MSRA: variants seen among roughly 807,000 people sequenced by gnomAD.
MSRA encodes the protein methionine sulfoxide reductase A.
MSRA carries 54 observed loss-of-function variants against 31.3 expected under a neutral mutation model. That is an observed-to-expected ratio of 1.73 (90% CI 1.39 to 2.17). The LOEUF (loss-of-function observed/expected upper bound fraction) is 2.17. MSRA is among the 30% of genes most tolerant of loss of function. The probability of loss-of-function intolerance (pLI) is 0.00; values close to 1 mark genes in which losing one functional copy is unlikely to be tolerated. For synonymous variants in MSRA, 169 were observed against 116.5 expected (o/e 1.45, Z -2.90); for missense variants, 507 against 300.9 (o/e 1.69, Z -5.07).
At chr8:10,057,019 C>G (rs768025994) in intron 1 of MSRA, among the ~76,000 whole-genome samples, 2 of 152,264 alleles carry the variant, frequency 1.3e-5, no homozygotes, top group African/African-American at 4.8e-5. Context: ...TTTTTATATT[C>G]TTAAGGACAA....
intron 3 of MSRA, among the ~76,000 whole-genome samples, chr8:10,245,466 A>C (rs1797574801): frequency 6.6e-6 from 1 of 152,260 alleles, no homozygotes; most frequent in African/African-American, 2.4e-5. Flanking sequence ...TGGTGGCTTA[A>C]AACAGTCATT....
chr8:10,415,481 C>A (rs935665627), intron 5 of MSRA, among the ~76,000 whole-genome samples: 1 of 152,080 alleles, frequency 6.6e-6, no homozygotes, highest in African/African-American at 2.4e-5. Flanking sequence ...CCCCTTGTAC[C>A]ACTGTGATTG....
chr8:10,056,208 A>AATC (rs544719959), intron 1 of MSRA, among the ~76,000 whole-genome samples: 2 of 130,508 alleles, frequency 1.5e-5, no homozygotes, highest in Non-Finnish European at 3.4e-5. Flanking sequence ...CAAAAAAAAA[A>AATC]AAAAAAAAAA....
At chr8:10,284,270 C>T (rs1010399297) in intron 3 of MSRA, among the ~76,000 whole-genome samples, 1 of 152,094 alleles carries the variant, frequency 6.6e-6, no homozygotes, top group African/African-American at 2.4e-5. Flanking sequence ...CTCACTGCAA[C>T]CTCCACCTCC....
chr8:10,404,059 A>G (rs1044769029), intron 5 of MSRA, among the ~76,000 whole-genome samples: 11 of 152,230 alleles, frequency 7.2e-5, no homozygotes, highest in African/African-American at 2.7e-4. Flanking sequence ...TCATATTAAC[A>G]TAAAAGGCTT....
At chr8:10,371,624 A>G (rs1805482118) in intron 5 of MSRA, among the ~76,000 whole-genome samples, 3 of 152,096 alleles carry the variant, frequency 2.0e-5, no homozygotes, top group African/African-American at 2.4e-5. Context: ...GCAAGGCTGT[A>G]CAGTTTTCCA....
intron 2 of MSRA, among the ~76,000 whole-genome samples, chr8:10,212,414 A>G (rs955909712): frequency 1.3e-5 from 2 of 152,212 alleles, no homozygotes; most frequent in African/African-American, 4.8e-5. Flanking sequence ...CAAGTTAAGT[A>G]GAAATGGAAA....
intron 1 of MSRA, among the ~76,000 whole-genome samples, chr8:10,105,439 C>G (rs767153678): frequency 2.0e-4 from 31 of 152,266 alleles, no homozygotes; most frequent in Non-Finnish European, 3.8e-4. Flanking sequence ...AACTTTTGGT[C>G]AACTTGAAAT....
At chr8:10,195,658 G>C (rs28412858) in intron 1 of MSRA, among the ~76,000 whole-genome samples, 11 of 152,208 alleles carry the variant, frequency 7.2e-5, no homozygotes, top group Non-Finnish European at 1.2e-4. Flanking sequence ...ATGGAGGCCA[G>C]CTGGCCTGAG....
At chr8:10,375,980 G>A (rs1563409741) in intron 5 of MSRA, among the ~76,000 whole-genome samples, 1 of 152,166 alleles carries the variant, frequency 6.6e-6, no homozygotes, top group Non-Finnish European at 1.5e-5. Context: ...ACTAACTTGA[G>A]TTCCTATTAA....
chr8:10,206,920 C>G (rs972100558), intron 1 of MSRA, among the ~76,000 whole-genome samples: 1 of 152,230 alleles, frequency 6.6e-6, no homozygotes, highest in Non-Finnish European at 1.5e-5. Flanking sequence ...CCAAGCGTGG[C>G]TTCAGTGCTG....
intron 2 of MSRA, among the ~76,000 whole-genome samples, chr8:10,242,654 A>G (rs1449877858): frequency 6.6e-6 from 1 of 151,232 alleles, no homozygotes; most frequent in African/African-American, 2.5e-5. Flanking sequence ...GATATTCATA[A>G]TGATCACCAG....
chr8:10,356,479 T>C (rs374650966), intron 5 of MSRA, among the ~76,000 whole-genome samples: 1 of 152,216 alleles, frequency 6.6e-6, no homozygotes, highest in South Asian at 2.1e-4. Context: ...GCCACTTCCA[T>C]GCATTTCTTT....
intron 1 of MSRA, among the ~76,000 whole-genome samples, chr8:10,194,497 C>G (rs1193346894): frequency 6.6e-6 from 1 of 152,180 alleles, no homozygotes; most frequent in East Asian, 1.9e-4. Flanking sequence ...ACCTGGGAGG[C>G]AGAGGTTGCG....
intron 4 of MSRA, among the ~76,000 whole-genome samples, chr8:10,309,793 G>T (rs774245182): frequency 4.1e-4 from 62 of 152,258 alleles, no homozygotes; most frequent in Middle Eastern, 3.4e-3. Flanking sequence ...GGGCTTCCCT[G>T]CCAGACGTGT....
chr8:10,409,541 C>A (rs150350813), intron 5 of MSRA, among the ~76,000 whole-genome samples: 105 of 152,294 alleles, frequency 6.9e-4, no homozygotes, highest in African/African-American at 2.4e-3. Context: ...TGCTAAGCAC[C>A]CTTCTTACCA....
intron 1 of MSRA, among the ~76,000 whole-genome samples, chr8:10,192,651 A>G (rs1807611038): frequency 6.6e-6 from 1 of 152,234 alleles, no homozygotes; most frequent in African/African-American, 2.4e-5. Context: ...AGGATGGGAA[A>G]TGTATTCTTT....
intron 1 of MSRA, among the ~76,000 whole-genome samples, chr8:10,126,271 A>G (rs1801488845): frequency 6.6e-6 from 1 of 152,178 alleles, no homozygotes; most frequent in Admixed American, 6.6e-5. Flanking sequence ...TCTTTTTTAA[A>G]TACCGTATTG....
intron 1 of MSRA, among the ~76,000 whole-genome samples, chr8:10,101,746 C>G (rs533202721): frequency 6.6e-6 from 1 of 152,186 alleles, no homozygotes; most frequent in African/African-American, 2.4e-5. Context: ...GAATAATACT[C>G]TATTGTATGG....
Sources: gnomAD v4.1 joint callset for allele counts (sites outside exome capture counted in the v4.1 genomes callset) on GRCh38, gnomAD v4.1.1 for gene constraint, MANE v1.5 for transcripts, NCBI Gene and HGNC (gene_info 2026-07-23, HGNC 2026-07-21) for gene names.